Variants in PCDHGA1 observed in about 807,000 individuals in gnomAD.
The protein encoded by PCDHGA1 is protocadherin gamma-A1.
Under a neutral mutation model 58.0 loss-of-function variants are expected in PCDHGA1, and 32 were observed. The observed-to-expected ratio is 0.55, with a 90% CI of 0.42 to 0.74. PCDHGA1 has a LOEUF of 0.74. PCDHGA1 is among the 30% of genes least tolerant of loss of function. The pLI is 0.00. For missense variants in PCDHGA1, 1,205 were observed against 1,182.3 expected (o/e 1.02, Z -0.28); for synonymous variants, 498 against 501.1 (o/e 0.99, Z 0.08).
intron 1 of PCDHGA1, chr5:141,409,169 G>A (rs371896881): frequency 3.5e-5 from 56 of 1,613,906 alleles, no homozygotes; most frequent in Non-Finnish European, 4.2e-5. Flanking sequence ...GGAAGCGAAG[G>A]ACGGAGGTGG....
chr5:141,489,091 T>C lies in PCDHGA1; in HGVS notation c.2422-5716T>C. 1 of 333,052 alleles carries C rather than the reference T, an allele frequency of 3.0e-6. No individual in the cohort carries two copies. The highest frequency in any genetic ancestry group is 5.5e-6 in the Non-Finnish European group (1 of 181,380). 20.6% of individuals were successfully genotyped at this position (333,052 alleles called of 1,614,324 possible). On this transcript the variant is annotated intron_variant, in intron 1 of 3. Coordinates refer to ENST00000517417, the MANE Select transcript of PCDHGA1 (RefSeq NM_018912.3). This position sits in a 1 kb window ranked among gnomAD's most constrained non-coding sequence, Gnocchi z 4.5. ...CTGCCCACCCCCGCCACTCGGTGAC[T>C]AAGAACTGCTGCAAGCAGGCAAACC...
intron 1 of PCDHGA1, chr5:141,395,150 C>G: frequency 6.2e-7 from 1 of 1,614,162 alleles, no homozygotes; most frequent in Non-Finnish European, 8.5e-7. Flanking sequence ...CAGACATGCT[C>G]ATCAGTCAGG....
At chr5:141,419,184 T>A in intron 1 of PCDHGA1, 1 of 1,613,938 alleles carries the variant, frequency 6.2e-7, no homozygotes, top group Non-Finnish European at 8.5e-7. Context: ...ACCCTGCACA[T>A]TACTGACGTC....
intron 1 of PCDHGA1, among the ~76,000 whole-genome samples, chr5:141,347,935 C>T (rs1758039809): frequency 6.6e-6 from 1 of 152,046 alleles, no homozygotes; most frequent in South Asian, 2.1e-4. Flanking sequence ...TTATTATGAG[C>T]CTTGGAGTGG....
chr5:141,361,248 G>C (rs376049174), intron 1 of PCDHGA1: 2 of 1,613,840 alleles, frequency 1.2e-6, no homozygotes, highest in African/African-American at 2.7e-5. Context: ...TGATAAAAAC[G>C]AGAGACAGAG....
At chr5:141,403,120 C>G (rs2094357495) in intron 1 of PCDHGA1, 3 of 1,614,050 alleles carry the variant, frequency 1.9e-6, no homozygotes, top group South Asian at 2.2e-5. Context: ...CTCTGGAGCC[C>G]CGGGAGCTGG....
intron 1 of PCDHGA1, chr5:141,375,760 G>T (rs779640846): frequency 1.2e-6 from 2 of 1,614,118 alleles, no homozygotes; most frequent in Admixed American, 1.7e-5. Context: ...ATGACAATGC[G>T]CCCGAGATCC....
chr5:141,455,905 T>TTATG (rs2098836561), intron 1 of PCDHGA1, among the ~76,000 whole-genome samples: 1 of 148,340 alleles, frequency 6.7e-6, no homozygotes, highest in Admixed American at 6.7e-5. Flanking sequence ...ATTTATTTAT[T>TTATG]TATTTATTTT....
In PCDHGA1 at chr5:141,332,198, T is replaced by G; in HGVS notation, c.1514T>G (p.Leu505Arg). Reference protein sequence around the residue: ...TIQGAPLSAYLSINSDTGVLY... With the variant: ...TIQGAPLSAYRSINSDTGVLY... ...CAGGGGGCACCCCTATCTGCCTACC[T>G]CTCCATCAACTCCGACACTGGGGTC... is the stretch of plus-strand genomic sequence containing the variant. The change falls in exon 1 of 4, where the codon CTC (leucine) becomes CGC (arginine). Residue 505 changes from leucine to arginine, a missense_variant. Leu to Arg is a moderately radical substitution (Grantham distance 102, BLOSUM62 -2). Transcript: ENST00000517417. The surrounding 1 kb of genome is among the most constrained non-coding windows in gnomAD (Gnocchi z 4.6). 6.2e-7 allele frequency: 1 copy of G among 1,614,126 alleles called. No individual in the cohort carries two copies.
chr5:141,398,266 G>C, intron 1 of PCDHGA1: 1 of 1,439,368 alleles, frequency 6.9e-7, no homozygotes, highest in Non-Finnish European at 9.5e-7. Flanking sequence ...GGGCTCCGTA[G>C]TGGGGAACCT....
intron 1 of PCDHGA1, among the ~76,000 whole-genome samples, chr5:141,456,464 A>T (rs1430885015): frequency 6.6e-6 from 1 of 152,192 alleles, no homozygotes; most frequent in Non-Finnish European, 1.5e-5. Flanking sequence ...TCAATACAAG[A>T]CATATAAGCA....
In PCDHGA1 at chr5:141,431,770, T is replaced by G. The variant is rs748816389; in HGVS notation, c.2422-63037T>G. The G allele has an allele frequency of 3.7e-6, 6 of 1,614,204 alleles. No homozygotes were observed. In the South Asian group the frequency reaches 6.6e-5, roughly 18 times the overall value. ...CGCGAGCCAAAGTCCTGATCACTGT[T>G]CTGGACGTGAACGACAATGCCCCAG... On this transcript the variant is annotated intron_variant, in intron 1 of 3. Coordinates refer to ENST00000517417, the MANE Select transcript of PCDHGA1 (RefSeq NM_018912.3). The surrounding 1 kb of genome is among the most constrained non-coding windows in gnomAD (Gnocchi z 4.8).
intron 1 of PCDHGA1, chr5:141,366,857 T>C: frequency 6.9e-6 from 10 of 1,438,966 alleles, no homozygotes; most frequent in Non-Finnish European, 9.4e-6. Flanking sequence ...AGTGGAACAT[T>C]ATTTGCTGTA....
intron 1 of PCDHGA1, chr5:141,413,929 CGAGTGAGTGTTCCT>C: frequency 6.2e-7 from 1 of 1,613,342 alleles, no homozygotes; most frequent in Non-Finnish European, 8.5e-7. Flanking sequence ...GCCAGAATAC[CGAGTGAGTGTTCCT>C]GAGAATTTGC....
intron 1 of PCDHGA1, chr5:141,364,981 C>A (rs756594174): frequency 7.2e-5 from 116 of 1,613,766 alleles, no homozygotes; most frequent in Non-Finnish European, 8.6e-5. Context: ...CTTTAGATGG[C>A]GGAGACCCGG....
chr5:141,365,309 C>T lies in PCDHGA1; in HGVS notation c.2421+32204C>T, dbSNP rs200560640. 105 of 1,613,826 alleles carry T rather than the reference C, an allele frequency of 6.5e-5. 1 individual carries two copies. The highest frequency in any genetic ancestry group is 8.5e-5 in the Non-Finnish European group (100 of 1,179,886). ...AGTGGTAGCTCAGGATGGAGGCGCT[C>T]TTGTTGCCAGCGCTAAGGTGGTGGT... On this transcript the variant is annotated intron_variant, in intron 1 of 3. Transcript: ENST00000517417.
intron 1 of PCDHGA1, chr5:141,393,785 G>A (rs753963995): frequency 6.2e-7 from 1 of 1,613,922 alleles, no homozygotes; most frequent in Non-Finnish European, 8.5e-7. Context: ...CCGAAGATGT[G>A]GGGGCACTTC....
In PCDHGA1 at chr5:141,418,596, T is replaced by C; in HGVS notation, c.2422-76211T>C. On this transcript the variant is annotated intron_variant, in intron 1 of 3. Coordinates refer to ENST00000517417, the MANE Select transcript of PCDHGA1 (RefSeq NM_018912.3). Reference sequence around the variant, plus strand: ...AACCCCCCAGTGTTCAGCCAGGACGTGTACAGGGTTAGCCTTCGGGAAGAC... The same window carrying C: ...AACCCCCCAGTGTTCAGCCAGGACGCGTACAGGGTTAGCCTTCGGGAAGAC... 8.7e-6 allele frequency: 14 copies of C among 1,614,046 alleles called. No individual in the cohort carries two copies. The highest frequency in any genetic ancestry group is 1.1e-5 in the Non-Finnish European group (13 of 1,179,906).
intron 1 of PCDHGA1, chr5:141,389,423 C>T: frequency 1.9e-6 from 3 of 1,613,516 alleles, no homozygotes; most frequent in Admixed American, 1.7e-5. Context: ...GGGTGGTGTT[C>T]GCGCAGCGCG....
Sources: gnomAD v4.1 joint callset for allele counts (sites outside exome capture counted in the v4.1 genomes callset) on GRCh38, gnomAD v4.1.1 for gene constraint, Gnocchi (gnomAD v3.1) non-coding constraint, MANE v1.5 for transcripts, NCBI Gene and HGNC (gene_info 2026-07-23, HGNC 2026-07-21) for gene names.